Variants in APP observed in about 807,000 individuals in gnomAD.
The protein encoded by APP is amyloid-beta precursor protein.
In APP, 31 loss-of-function variants were observed where a neutral mutation model predicts 101.4. The ratio of observed to expected loss-of-function variants is 0.31; its 90% CI spans 0.23 to 0.41. APP has a LOEUF of 0.41. Ranked by LOEUF, APP falls within the 10% of genes least tolerant of loss-of-function variation. The probability of loss-of-function intolerance (pLI) is 1.00; values close to 1 mark genes in which losing one functional copy is unlikely to be tolerated. For synonymous variants in APP, 366 were observed against 364.4 expected, an observed-to-expected ratio of 1.00 and a Z score of -0.05; for missense variants, 839 against 1,003.7, an observed-to-expected ratio of 0.84 and a Z score of 2.22.
intron 3 of APP, among the ~76,000 whole-genome samples, chr21:26,078,667 A>C (rs746727126): frequency 2.7e-4 from 41 of 152,182 alleles, no homozygotes; most frequent in African/African-American, 6.8e-4. Flanking sequence ...TCTCAATCCC[A>C]AAATCTTAAG....
At chr21:25,914,323 T>C (rs1281494505) in intron 13 of APP, among the ~76,000 whole-genome samples, 1 of 151,976 alleles carries the variant, frequency 6.6e-6, no homozygotes. Flanking sequence ...CTGCTTGCTA[T>C]GGTCTGAATG....
chr21:26,170,457 T>C (rs1413219701), intron 1 of APP, 107 bp downstream of exon 1: 4 of 1,221,274 alleles, frequency 3.3e-6, no homozygotes, highest in East Asian at 2.9e-5. Flanking sequence ...AGGGGTCCCA[T>C]TGACGGACCC....
At chr21:25,992,352 C>T (rs773493043) in intron 8 of APP, among the ~76,000 whole-genome samples, 2 of 150,822 alleles carry the variant, frequency 1.3e-5, no homozygotes, top group Non-Finnish European at 2.9e-5. Flanking sequence ...CACGCCACTG[C>T]ACTCCAGCCT....
At chr21:25,968,142 T>C (rs1044463840) in intron 11 of APP, among the ~76,000 whole-genome samples, 21 of 151,986 alleles carry the variant, frequency 1.4e-4, no homozygotes, top group Admixed American at 1.4e-3. Flanking sequence ...TTTCAAGTAT[T>C]TATCTCATTT....
chr21:26,088,240 A>C (rs1337972865), intron 3 of APP, among the ~76,000 whole-genome samples: 1 of 152,230 alleles, frequency 6.6e-6, no homozygotes, highest in Non-Finnish European at 1.5e-5. Flanking sequence ...TATTTGCTAC[A>C]ACAACTGGCA....
chr21:26,023,348 G>A (rs1032718522), intron 5 of APP, among the ~76,000 whole-genome samples: 2 of 149,738 alleles, frequency 1.3e-5, no homozygotes, highest in South Asian at 2.1e-4. Flanking sequence ...TGGGCCACAC[G>A]GTGAGACCCT....
chr21:25,988,466 C>G (rs2146626311), intron 8 of APP, among the ~76,000 whole-genome samples: 1 of 152,234 alleles, frequency 6.6e-6, no homozygotes, highest in East Asian at 1.9e-4. Context: ...CTTTGGGAGT[C>G]TGAGGCGGGC....
chr21:26,163,856 T>C (rs748017312), intron 1 of APP, among the ~76,000 whole-genome samples: 2 of 152,192 alleles, frequency 1.3e-5, no homozygotes, highest in African/African-American at 2.4e-5. Context: ...GAGCAACATA[T>C]GCTGATTTTT....
chr21:26,062,525 G>C (rs560501922), intron 3 of APP, among the ~76,000 whole-genome samples: 68 of 151,706 alleles, frequency 4.5e-4, no homozygotes, highest in African/African-American at 1.5e-3. Flanking sequence ...AGCTGGGCAT[G>C]GTGGCGGGTG....
intron 2 of APP, among the ~76,000 whole-genome samples, chr21:26,099,302 C>T (rs779337811): frequency 1.3e-5 from 2 of 152,078 alleles, no homozygotes; most frequent in Admixed American, 6.5e-5. Context: ...ATATTTTCAT[C>T]GTCTCAAAGC....
intron 14 of APP, among the ~76,000 whole-genome samples, chr21:25,910,704 G>A (rs940115342): frequency 6.6e-6 from 1 of 152,204 alleles, no homozygotes; most frequent in Non-Finnish European, 1.5e-5. Context: ...TTACTTCTCT[G>A]AGGTACCAAA....
intron 1 of APP, among the ~76,000 whole-genome samples, chr21:26,169,620 G>A (rs1030711651): frequency 7.9e-5 from 12 of 152,360 alleles, no homozygotes; most frequent in Non-Finnish European, 1.5e-4. Context: ...CCGAGGCTCC[G>A]CCAGAAGCCC....
chr21:25,993,858 G>A (rs1340327798), intron 8 of APP, among the ~76,000 whole-genome samples: 1 of 151,144 alleles, frequency 6.6e-6, no homozygotes, highest in Non-Finnish European at 1.5e-5. Context: ...AGGGGTCAGG[G>A]GTACTGCTAA....
intron 1 of APP, among the ~76,000 whole-genome samples, chr21:26,145,305 G>A (rs2063131328): frequency 6.6e-6 from 1 of 152,108 alleles, no homozygotes; most frequent in Non-Finnish European, 1.5e-5. Context: ...TGTTGGGGGT[G>A]GGATGGCATG....
chr21:26,051,811 A>G (rs2045850607), intron 4 of APP, among the ~76,000 whole-genome samples: 1 of 152,232 alleles, frequency 6.6e-6, no homozygotes, highest in East Asian at 1.9e-4. Context: ...TAAAGTTCTG[A>G]GAGCATCCAC....
In APP at chr21:26,036,988, A is replaced by ATG. The variant is rs751003386; in HGVS notation, c.662+14010_662+14011dup. ...AAATGTGATGTGTGTGTGTGTGTGT[A>ATG]TGTGTGTGTGTCCGTGCGTGCATGC... On this transcript the variant is annotated intron_variant, in intron 5 of 17. Coordinates refer to ENST00000346798, the MANE Select transcript of APP (RefSeq NM_000484.4). Among the ~76,000 whole-genome samples the ATG allele has an allele frequency of 1.7e-3, 205 of 121,542 alleles. 2 individuals are homozygous for ATG. Among genetic ancestry groups the ATG allele is most frequent in the African/African-American group, 6.2e-3 (199 of 31,956 alleles). 79.7% of individuals were successfully genotyped at this position (121,542 alleles called of 152,430 possible).
At chr21:25,950,926 G>C (rs1233528242) in intron 13 of APP, among the ~76,000 whole-genome samples, 1 of 152,196 alleles carries the variant, frequency 6.6e-6, no homozygotes, top group Non-Finnish European at 1.5e-5. Flanking sequence ...ACTCAGAATA[G>C]AGTGTGTAAA....
intron 1 of APP, among the ~76,000 whole-genome samples, chr21:26,170,213 T>C (rs2063713180): frequency 1.3e-5 from 2 of 151,904 alleles, no homozygotes; most frequent in African/African-American, 2.4e-5. Flanking sequence ...CCTTCCCCCT[T>C]CCCCCCTGTC....
At chr21:26,122,285 A>G (rs1277008457) in intron 1 of APP, among the ~76,000 whole-genome samples, 1 of 152,206 alleles carries the variant, frequency 6.6e-6, no homozygotes, top group Non-Finnish European at 1.5e-5. Context: ...TACACTGCTG[A>G]GTCTGGTACA....
Sources: allele counts gnomAD v4.1 joint callset (sites outside exome capture counted in the v4.1 genomes callset), GRCh38; gene constraint gnomAD v4.1.1; transcripts MANE v1.5; gene names NCBI Gene and HGNC (gene_info 2026-07-23, HGNC 2026-07-21).